Variants in PRIM2 observed in about 807,000 individuals in gnomAD.
The protein encoded by PRIM2 is DNA primase large subunit.
PRIM2 carries 39 observed loss-of-function variants against 67.3 expected under a neutral mutation model. That is an observed-to-expected ratio of 0.58 (90% confidence interval 0.45 to 0.76). PRIM2 has a LOEUF of 0.76. Among genes scored for constraint, PRIM2 ranks in the 30% least tolerant of loss-of-function variants. PRIM2 has a pLI of 0.00. For synonymous variants in PRIM2, 143 were observed against 198.7 expected (o/e 0.72, Z 2.36); for missense variants, 398 against 598.7 (o/e 0.66, Z 3.50).
upstream of PRIM2, among the ~76,000 whole-genome samples, chr6:57,312,043 A>C (rs1581780620): frequency 4.6e-5 from 1 of 21,800 alleles, no homozygotes; most frequent in African/African-American, 2.2e-4. Context: ...GGGAGAGGGG[A>C]GAGGGGAGAG....
chr6:57,637,599 C>A (rs1228361373), intron 13 of PRIM2, among the ~76,000 whole-genome samples: 3 of 152,202 alleles, frequency 2.0e-5, no homozygotes, highest in African/African-American at 7.2e-5. Flanking sequence ...AAGAGAACTT[C>A]ATGAAGCATA....
At chr6:57,590,143 C>A (rs1163946114) in intron 10 of PRIM2, among the ~76,000 whole-genome samples, 1 of 152,150 alleles carries the variant, frequency 6.6e-6, no homozygotes, top group Non-Finnish European at 1.5e-5. Context: ...AATCTGTCCT[C>A]ACTGTGATTC....
chr6:57,564,768 T>C, intron 10 of PRIM2, among the ~76,000 whole-genome samples: 1 of 152,170 alleles, frequency 6.6e-6, no homozygotes, highest in Non-Finnish European at 1.5e-5. Flanking sequence ...AATTTTCTCT[T>C]AAATAATAGT....
At chr6:57,470,632 C>T (rs1208275478) in intron 7 of PRIM2, among the ~76,000 whole-genome samples, 2 of 151,202 alleles carry the variant, frequency 1.3e-5, no homozygotes, top group African/African-American at 2.4e-5. Context: ...CTTTAAATGA[C>T]GTTGAGATTT....
intron 5 of PRIM2, among the ~76,000 whole-genome samples, chr6:57,331,201 A>G (rs559724867): frequency 6.6e-6 from 1 of 152,058 alleles, no homozygotes; most frequent in Non-Finnish European, 1.5e-5. Context: ...AAAAAAAAAA[A>G]AAAAGTTCTG....
intron 8 of PRIM2, among the ~76,000 whole-genome samples, chr6:57,514,400 T>C (rs1417116232): frequency 6.6e-6 from 1 of 152,040 alleles, no homozygotes; most frequent in African/African-American, 2.4e-5. Flanking sequence ...AATGGTTTAG[T>C]AGATAGGGGC....
chr6:57,370,475 A>G (rs1185251719), intron 5 of PRIM2, among the ~76,000 whole-genome samples: 4 of 152,144 alleles, frequency 2.6e-5, no homozygotes, highest in African/African-American at 9.7e-5. Flanking sequence ...TTCCATTTCC[A>G]TTTTGGTTAT....
At chr6:57,275,142 G>A in the PRIM2 span, among the ~76,000 whole-genome samples, 3 of 151,940 alleles carry the variant, frequency 2.0e-5, no homozygotes, top group Non-Finnish European at 4.4e-5. Context: ...CAAAAATTCT[G>A]TCAAAAACAG....
intron 7 of PRIM2, among the ~76,000 whole-genome samples, chr6:57,384,896 A>G (rs1226823434): frequency 5.9e-5 from 9 of 152,238 alleles, no homozygotes; most frequent in Admixed American, 3.9e-4. Context: ...TTGGGTTTAA[A>G]GCTACTTCTG....
At chr6:57,310,900 TGGC>T (rs1767369693), upstream of PRIM2, among the ~76,000 whole-genome samples, 1 of 96,374 alleles carries the variant, frequency 1.0e-5, no homozygotes. Flanking sequence ...CCAGACGGGG[TGGC>T]GGCCGGGCAG....
intron 13 of PRIM2, among the ~76,000 whole-genome samples, chr6:57,642,456 T>TAAA (rs1777258424): frequency 7.8e-6 from 1 of 128,564 alleles, no homozygotes; most frequent in Non-Finnish European, 1.7e-5. Flanking sequence ...TTTTTTTTTT[T>TAAA]TTTTGAGACG....
chr6:57,322,817 T>G (rs1382991615), intron 3 of PRIM2, among the ~76,000 whole-genome samples: 1 of 152,190 alleles, frequency 6.6e-6, no homozygotes, highest in Non-Finnish European at 1.5e-5. Flanking sequence ...GACTGAAGGA[T>G]TCTGCCTGGT....
At chr6:57,224,646 A>G in the PRIM2 span, among the ~76,000 whole-genome samples, 9 of 152,330 alleles carry the variant, frequency 5.9e-5, no homozygotes, top group Admixed American at 5.9e-4. Context: ...GAAAAAAAAA[A>G]AAGAAAATCT....
chr6:57,327,763 G>C (rs1327402541), intron 5 of PRIM2, among the ~76,000 whole-genome samples: 1 of 152,180 alleles, frequency 6.6e-6, no homozygotes, highest in East Asian at 1.9e-4. Context: ...AGGTCATAGA[G>C]AGAGGTGTCC....
chr6:57,468,665 G>C (rs1773264147), intron 7 of PRIM2, among the ~76,000 whole-genome samples: 1 of 152,058 alleles, frequency 6.6e-6, no homozygotes, highest in Non-Finnish European at 1.5e-5. Context: ...GGGGTTTGGG[G>C]CCCCCGTTCT....
At chr6:57,281,743 C>G in the PRIM2 span, among the ~76,000 whole-genome samples, 1 of 152,150 alleles carries the variant, frequency 6.6e-6, no homozygotes, top group South Asian at 2.1e-4. Context: ...CACAGCTTAG[C>G]CTGCATGTGG....
chr6:57,242,745 T>A, the PRIM2 span, among the ~76,000 whole-genome samples: 1 of 152,232 alleles, frequency 6.6e-6, no homozygotes, highest in East Asian at 1.9e-4. Context: ...TGGGCTTTAT[T>A]TGGAGCCTTG....
intron 7 of PRIM2, among the ~76,000 whole-genome samples, chr6:57,470,287 C>T (rs1773304187): frequency 6.6e-6 from 1 of 150,902 alleles, no homozygotes; most frequent in Non-Finnish European, 1.5e-5. Context: ...CTCCTTGCGA[C>T]CTTCTTTTCT....
intron 7 of PRIM2, among the ~76,000 whole-genome samples, chr6:57,437,778 A>G (rs1160725022): frequency 6.7e-6 from 1 of 148,510 alleles, no homozygotes; most frequent in Non-Finnish European, 1.5e-5. Context: ...CGTTCCTCCT[A>G]CCTAGCCTCT....
Sources: gnomAD v4.1 joint callset for allele counts (sites outside exome capture counted in the v4.1 genomes callset) on GRCh38, gnomAD v4.1.1 for gene constraint, MANE v1.5 for transcripts, NCBI Gene and HGNC (gene_info 2026-07-23, HGNC 2026-07-21) for gene names.